The following ADGRL2 variants were observed in gnomAD, a reference collection of about 807,000 sequenced individuals.
The protein encoded by ADGRL2 is calcium-independent alpha-latrotoxin receptor 2.
A neutral mutation model predicts 157.4 loss-of-function variants in ADGRL2; 44 were observed. The observed-to-expected ratio is 0.28, with a 90% CI of 0.22 to 0.36. The LOEUF (loss-of-function observed/expected upper bound fraction) is 0.36. ADGRL2 is among the 10% of genes least tolerant of loss of function. The pLI is 1.00. For missense variants in ADGRL2, 1,510 were observed against 1,768.9 expected (o/e 0.85, Z 2.63); for synonymous variants, 585 against 624.7 (o/e 0.94, Z 0.95).
At chr1:81,645,923 A>G (rs1311783511) in intron 3 of ADGRL2, among the ~76,000 whole-genome samples, 1 of 152,166 alleles carries the variant, frequency 6.6e-6, no homozygotes, top group Admixed American at 6.6e-5. Context: ...CCTCCGAATT[A>G]CAGTACCAAT....
At chr1:81,614,846 TTAA>T (rs2081610233) in intron 3 of ADGRL2, among the ~76,000 whole-genome samples, 2 of 105,620 alleles carry the variant, frequency 1.9e-5, no homozygotes, top group Non-Finnish European at 2.0e-5. Context: ...TCTCTACAAA[TTAA>T]AAAAAAAAAA....
In ADGRL2 at chr1:81,828,748, T is replaced by G. The variant is rs1320538845; in HGVS notation, c.-100-8137T>G. Among the ~76,000 whole-genome samples the G allele has an allele frequency of 1.2e-4, 19 of 152,172 alleles. 1 individual carries two copies. Reference sequence around the variant, plus strand: ...CCTCTCCTACTCCATGTTTGAGTAGTTAAGAAGCACTAAAACATAAATTTT... The same window carrying G: ...CCTCTCCTACTCCATGTTTGAGTAGGTAAGAAGCACTAAAACATAAATTTT... On this transcript the variant is annotated intron_variant, in intron 1 of 23. Transcript: ENST00000686636.
intron 17 of ADGRL2, among the ~76,000 whole-genome samples, chr1:81,973,420 G>A (rs982691056): frequency 2.4e-4 from 36 of 152,070 alleles, no homozygotes; most frequent in African/African-American, 8.2e-4. Flanking sequence ...TAAGACCTTC[G>A]TCAAACACAT....
chr1:81,885,637 C>T (rs547095713), intron 2 of ADGRL2, among the ~76,000 whole-genome samples: 1 of 152,300 alleles, frequency 6.6e-6, no homozygotes, highest in Non-Finnish European at 1.5e-5. Context: ...GTTTCTCAGT[C>T]TCTAACCAGA....
intron 3 of ADGRL2, among the ~76,000 whole-genome samples, chr1:81,909,918 G>T (rs1314741526): frequency 2.6e-5 from 4 of 151,940 alleles, no homozygotes; most frequent in Admixed American, 1.3e-4. Flanking sequence ...GTTAAAGATG[G>T]TTATAAATTG....
intron 2 of ADGRL2, among the ~76,000 whole-genome samples, chr1:81,465,108 C>T (rs1328215887): frequency 6.6e-6 from 1 of 152,050 alleles, no homozygotes; most frequent in African/African-American, 2.4e-5. Context: ...TTTAGATCTA[C>T]TGTATTGTTT....
At chr1:81,758,418 A>G (rs964372322) in intron 1 of ADGRL2, among the ~76,000 whole-genome samples, 1 of 152,148 alleles carries the variant, frequency 6.6e-6, no homozygotes, top group Non-Finnish European at 1.5e-5. Context: ...AATGCCAATT[A>G]GGGCCGATTT....
At chr1:81,666,604 T>C (rs2082755401) in intron 3 of ADGRL2, among the ~76,000 whole-genome samples, 1 of 152,170 alleles carries the variant, frequency 6.6e-6, no homozygotes. Flanking sequence ...TAAGGGGGCC[T>C]GATGTAAAAA....
intron 3 of ADGRL2, among the ~76,000 whole-genome samples, chr1:81,934,218 T>G (rs781238006): frequency 6.6e-6 from 1 of 152,104 alleles, no homozygotes; most frequent in African/African-American, 2.4e-5. Context: ...TGACATTAAT[T>G]TGAACCTGTA....
At chr1:81,721,720 G>A (rs1217368684) in intron 1 of ADGRL2, 4 of 1,395,582 alleles carry the variant, frequency 2.9e-6, no homozygotes, top group African/African-American at 2.8e-5. Context: ...TGAACGAGCA[G>A]GCCCTTGTGA....
chr1:81,537,314 G>T lies in ADGRL2; in HGVS notation c.-247-43562G>T, dbSNP rs141197666. ...TGTTTTGTTTTTGAGATGGAATTTC[G>T]CTCTTGTTGCCCAGGCTGGAGTGCA... On this transcript the variant is annotated intron_variant, in intron 2 of 24. Transcript: ENST00000370721. 7.0e-4 allele frequency among the ~76,000 whole-genome samples: 106 copies of T among 151,914 alleles called. 1 individual carries two copies. In the South Asian group the frequency reaches 8.8e-3, roughly 13 times the overall value.
intron 1 of ADGRL2, among the ~76,000 whole-genome samples, chr1:81,731,009 G>A (rs554567791): frequency 6.6e-6 from 1 of 152,222 alleles, no homozygotes; most frequent in Admixed American, 6.5e-5. Context: ...TCTCTGAGGT[G>A]CAGTAAAATA....
At chr1:81,817,008 T>C (rs2090470774) in intron 1 of ADGRL2, among the ~76,000 whole-genome samples, 1 of 151,756 alleles carries the variant, frequency 6.6e-6, no homozygotes, top group Admixed American at 6.6e-5. Flanking sequence ...CACAGCCTTT[T>C]TACATGCATG....
At chr1:81,388,249 T>C (rs753187458) in intron 1 of ADGRL2, among the ~76,000 whole-genome samples, 2 of 152,164 alleles carry the variant, frequency 1.3e-5, no homozygotes, top group Non-Finnish European at 2.9e-5. Flanking sequence ...GTGTGTTTTA[T>C]TCAGGAGGAT....
At position 81,972,822 on chromosome 1, in the gene ADGRL2, G is replaced by A. The variant is rs1400750280; in HGVS notation, c.3021+904G>A. Reference sequence around the variant, plus strand: ...AGATACTCAGGAGGCAGAGGCAGAAGGATCTCTTGTGCCCAGGAGCACAAG... The same window carrying A: ...AGATACTCAGGAGGCAGAGGCAGAAAGATCTCTTGTGCCCAGGAGCACAAG... On this transcript the variant is annotated intron_variant, in intron 17 of 23. Transcript: ENST00000686636. Among the ~76,000 whole-genome samples the A allele has an allele frequency of 3.3e-5, 5 of 151,624 alleles. No homozygotes were observed. In the East Asian group the frequency reaches 9.8e-4, roughly 30 times the overall value.
chr1:81,968,487 T>C (rs1657785192), intron 14 of ADGRL2, among the ~76,000 whole-genome samples: 1 of 152,168 alleles, frequency 6.6e-6, no homozygotes, highest in South Asian at 2.1e-4. Context: ...CAATAGGTCA[T>C]ACAAAAGAGA....
chr1:81,558,825 A>C (rs920604912), intron 2 of ADGRL2, among the ~76,000 whole-genome samples: 1 of 152,194 alleles, frequency 6.6e-6, no homozygotes, highest in African/African-American at 2.4e-5. Flanking sequence ...GTACAGATGG[A>C]AAAGAAGAGC....
chr1:81,636,397 A>G (rs985921068), intron 3 of ADGRL2, among the ~76,000 whole-genome samples: 6 of 152,090 alleles, frequency 3.9e-5, no homozygotes, highest in African/African-American at 1.4e-4. Flanking sequence ...GTAACATGGG[A>G]GATTCTCATG....
At chr1:81,900,197 G>T (rs1339899251) in intron 2 of ADGRL2, among the ~76,000 whole-genome samples, 1 of 152,070 alleles carries the variant, frequency 6.6e-6, no homozygotes, top group Non-Finnish European at 1.5e-5. Context: ...ACTTCTGAGG[G>T]TGGCAAATTC....
Sources: allele counts gnomAD v4.1 joint callset (sites outside exome capture counted in the v4.1 genomes callset), GRCh38; gene constraint gnomAD v4.1.1; transcripts MANE v1.5; gene names NCBI Gene and HGNC (gene_info 2026-07-23, HGNC 2026-07-21).